ANKRD30B: variants seen among roughly 807,000 people sequenced by gnomAD.
ANKRD30B encodes the protein ankyrin repeat domain-containing protein 30B.
A neutral mutation model predicts 202.2 loss-of-function variants in ANKRD30B; 144 were observed. That is an observed-to-expected ratio of 0.71 (90% CI 0.62 to 0.82). The LOEUF is 0.82. ANKRD30B is among the 40% of genes least tolerant of loss of function. ANKRD30B has a pLI of 0.00. For synonymous variants in ANKRD30B, 508 were observed against 561.3 expected, an observed-to-expected ratio of 0.91 and a Z score of 1.34; for missense variants, 1,487 against 1,669.1, an observed-to-expected ratio of 0.89 and a Z score of 1.90.
chr18:14,923,930 TG>T, the ANKRD30B span, among the ~76,000 whole-genome samples: 1 of 152,214 alleles, frequency 6.6e-6, no homozygotes, highest in Non-Finnish European at 1.5e-5. Context: ...ATATCACCTG[TG>T]GTGCTGGGAT....
At chr18:14,854,014 A>G (rs1971991411) in intron 43 of ANKRD30B, among the ~76,000 whole-genome samples, 71 bp downstream of exon 43, 1 of 152,234 alleles carries the variant, frequency 6.6e-6, no homozygotes, top group South Asian at 2.1e-4. Context: ...GTAACATGCC[A>G]ACAGTGAGTC....
At chr18:14,754,829 A>G (rs1332993753) in intron 3 of ANKRD30B, 70 bp from the exon 4 acceptor site, 1 of 1,065,948 alleles carries the variant, frequency 9.4e-7, no homozygotes, top group Non-Finnish European at 1.3e-6. Flanking sequence ...ATAGGATATA[A>G]TATAAGGTAT....
At chr18:14,799,023 A>C (rs1969126948) in intron 20 of ANKRD30B, 78 bp from the exon 21 acceptor site, 8 of 1,342,736 alleles carry the variant, frequency 6.0e-6, no homozygotes, top group Middle Eastern at 2.6e-4. Context: ...ATTCGTCTTC[A>C]TATTCACACT....
the ANKRD30B span, among the ~76,000 whole-genome samples, chr18:14,871,337 TC>T: frequency 6.7e-6 from 1 of 149,418 alleles, no homozygotes; most frequent in Admixed American, 6.7e-5. Context: ...TTGGTCATGG[TC>T]CCAGCAGATC....
chr18:14,873,087 A>T, the ANKRD30B span, among the ~76,000 whole-genome samples: 1 of 152,224 alleles, frequency 6.6e-6, no homozygotes, highest in Non-Finnish European at 1.5e-5. Context: ...TACTTTGCAG[A>T]AGTCTGGGAC....
intron 7 of ANKRD30B, among the ~76,000 whole-genome samples, chr18:14,766,492 A>T (rs1489757973): frequency 6.8e-6 from 1 of 147,596 alleles, no homozygotes; most frequent in Non-Finnish European, 1.5e-5. Flanking sequence ...AAAAAAAAAA[A>T]AAAAAGAAAA....
intron 30 of ANKRD30B, among the ~76,000 whole-genome samples, chr18:14,818,962 G>T (rs1970264676): frequency 6.6e-6 from 1 of 152,038 alleles, no homozygotes; most frequent in Non-Finnish European, 1.5e-5. Context: ...GGTTGAACTA[G>T]TTTACAGTCC....
At chr18:14,772,125 C>A in intron 8 of ANKRD30B, 31 bp from the exon 9 acceptor site, 2 of 1,326,818 alleles carry the variant, frequency 1.5e-6, no homozygotes, top group Non-Finnish European at 2.0e-6. Context: ...TATGAATTTG[C>A]TCATTTATGT....
intron 39 of ANKRD30B, among the ~76,000 whole-genome samples, chr18:14,844,078 G>C (rs1361535307): frequency 2.0e-5 from 3 of 152,048 alleles, no homozygotes; most frequent in Admixed American, 1.3e-4. Flanking sequence ...TTCTTTGTTT[G>C]ATCAGCATTA....
downstream of ANKRD30B, among the ~76,000 whole-genome samples, chr18:14,855,222 G>A (rs1972046534): frequency 6.6e-6 from 1 of 152,130 alleles, no homozygotes; most frequent in Admixed American, 6.5e-5. Flanking sequence ...CGGGGTTGGG[G>A]GTAAGGTTAT....
chr18:14,819,170 G>A (rs1268477599), intron 30 of ANKRD30B, among the ~76,000 whole-genome samples: 1 of 148,066 alleles, frequency 6.8e-6, no homozygotes, highest in African/African-American at 2.5e-5. Flanking sequence ...CTTTTGAGAA[G>A]TGTCTGTTCA....
At chr18:14,749,668 C>A (rs1913084812) in intron 1 of ANKRD30B, among the ~76,000 whole-genome samples, 1 of 27,390 alleles carries the variant, frequency 3.7e-5, no homozygotes, top group Non-Finnish European at 5.8e-5. Context: ...GAGACTCTGT[C>A]TCAAAAAAAA....
chr18:14,794,684 CT>C (rs1568019064), intron 16 of ANKRD30B, among the ~76,000 whole-genome samples: 1 of 152,104 alleles, frequency 6.6e-6, no homozygotes, highest in Non-Finnish European at 1.5e-5. Flanking sequence ...ATTTTAAGCA[CT>C]TTTTTTCTAA....
At chr18:14,807,856 C>G (rs1159060164) in intron 24 of ANKRD30B, among the ~76,000 whole-genome samples, 1 of 150,938 alleles carries the variant, frequency 6.6e-6, no homozygotes, top group Admixed American at 6.6e-5. Context: ...GATGGGTGTG[C>G]TTTGACTTTT....
chr18:14,777,441 GCA>G (rs1265132809), intron 9 of ANKRD30B, among the ~76,000 whole-genome samples: 1 of 151,530 alleles, frequency 6.6e-6, no homozygotes, highest in African/African-American at 2.4e-5. Context: ...GGGATTACAG[GCA>G]CCCACCACCA....
At chr18:14,798,959 C>T in intron 20 of ANKRD30B, 142 bp from the exon 21 acceptor site, 1 of 911,278 alleles carries the variant, frequency 1.1e-6, no homozygotes, top group Non-Finnish European at 1.8e-6. Context: ...AATACAATAA[C>T]CCAAAAGACC....
the ANKRD30B span, among the ~76,000 whole-genome samples, chr18:14,912,391 T>C: frequency 6.6e-6 from 1 of 152,252 alleles, no homozygotes. Flanking sequence ...GTTTTTGTTC[T>C]TAATTCTGCT....
intron 15 of ANKRD30B, among the ~76,000 whole-genome samples, chr18:14,790,152 A>G (rs936036450): frequency 1.3e-5 from 2 of 152,134 alleles, no homozygotes; most frequent in African/African-American, 4.8e-5. Flanking sequence ...CTTTGAAGCA[A>G]TTGTGAATGG....
chr18:14,748,756 C>T lies in ANKRD30B; in HGVS notation c.221+116C>T, dbSNP rs1449751267. ...ACGAGGGGAGCAGGTGGAGGAGTGGCGGGCGATGGGGCGGCCGTCCTGGGC... is the reference window on the plus strand; with the variant it reads ...ACGAGGGGAGCAGGTGGAGGAGTGGTGGGCGATGGGGCGGCCGTCCTGGGC... On this transcript the variant is annotated intron_variant, in intron 1 of 43. Transcript: ENST00000690538. 12 of 1,130,088 alleles carry T rather than the reference C, an allele frequency of 1.1e-5. No individual in the cohort carries two copies. The East Asian group carries it at 1.6e-4, about 15-fold the overall frequency. The allele number at this position is 1,130,088 out of a possible 1,614,324, so 70.0% of individuals were successfully genotyped here.
Sources: allele counts gnomAD v4.1 joint callset (sites outside exome capture counted in the v4.1 genomes callset), GRCh38; gene constraint gnomAD v4.1.1; transcripts MANE v1.5; gene names NCBI Gene and HGNC (gene_info 2026-07-23, HGNC 2026-07-21).